Variants in ZNF385D observed in about 807,000 individuals in gnomAD.
ZNF385D encodes zinc finger protein 385D.
A neutral mutation model predicts 35.8 loss-of-function variants in ZNF385D; 15 were observed. The ratio of observed to expected loss-of-function variants is 0.42; its 90% confidence interval spans 0.28 to 0.64. The LOEUF is 0.64. ZNF385D is among the 30% of genes least tolerant of loss of function. The pLI is 0.23. For synonymous variants in ZNF385D, 212 were observed against 186.8 expected (o/e 1.13, Z -1.10); for missense variants, 474 against 494.6 (o/e 0.96, Z 0.39).
intron 4 of ZNF385D, among the ~76,000 whole-genome samples, chr3:21,467,060 G>GA (rs1465336778): frequency 3.9e-5 from 6 of 152,148 alleles, no homozygotes; most frequent in African/African-American, 1.4e-4. Flanking sequence ...TTCTTGTGCT[G>GA]AATACTGATG....
At chr3:21,749,275 C>T (rs2069937735) in intron 1 of ZNF385D, among the ~76,000 whole-genome samples, 1 of 152,156 alleles carries the variant, frequency 6.6e-6, no homozygotes, top group Admixed American at 6.5e-5. Flanking sequence ...CAAGCTAGCC[C>T]ACTGAACATT....
At chr3:21,700,905 T>C (rs1001184793) in intron 1 of ZNF385D, among the ~76,000 whole-genome samples, 7 of 152,178 alleles carry the variant, frequency 4.6e-5, no homozygotes, top group African/African-American at 1.4e-4. Flanking sequence ...ATAAAAAATA[T>C]ATCTTAAATA....
intron 4 of ZNF385D, among the ~76,000 whole-genome samples, chr3:21,463,175 C>G (rs1231919713): frequency 1.3e-5 from 2 of 149,042 alleles, no homozygotes; most frequent in African/African-American, 5.0e-5. Flanking sequence ...TGTAAACATA[C>G]AAAATTCCCA....
At chr3:22,000,550 T>C (rs1182903232) in intron 3 of ZNF385D, among the ~76,000 whole-genome samples, 1 of 152,164 alleles carries the variant, frequency 6.6e-6, no homozygotes, top group African/African-American at 2.4e-5. Context: ...TTGCTCTGTC[T>C]ATGGAATACC....
chr3:21,507,327 C>T (rs937498278), intron 4 of ZNF385D, among the ~76,000 whole-genome samples: 1 of 151,920 alleles, frequency 6.6e-6, no homozygotes, highest in African/African-American at 2.4e-5. Context: ...TAACATTTTT[C>T]AAAGGAATTA....
At chr3:21,623,686 A>G (rs2065064779) in intron 2 of ZNF385D, among the ~76,000 whole-genome samples, 1 of 152,048 alleles carries the variant, frequency 6.6e-6, no homozygotes, top group Admixed American at 6.6e-5. Flanking sequence ...AAAACAAAAA[A>G]CCACAATGTC....
At chr3:22,313,466 T>C (rs1182623985) in intron 2 of ZNF385D, among the ~76,000 whole-genome samples, 1 of 152,042 alleles carries the variant, frequency 6.6e-6, no homozygotes, top group Non-Finnish European at 1.5e-5. Flanking sequence ...TGTAGAAAAA[T>C]TAAATTATGA....
chr3:21,944,521 G>A (rs1483335790), intron 3 of ZNF385D, among the ~76,000 whole-genome samples: 1 of 152,190 alleles, frequency 6.6e-6, no homozygotes, highest in Non-Finnish European at 1.5e-5. Context: ...GGTTCGCAAG[G>A]AAAGGCTTGT....
intron 1 of ZNF385D, among the ~76,000 whole-genome samples, chr3:21,700,671 T>C (rs2067649244): frequency 6.6e-6 from 1 of 152,148 alleles, no homozygotes; most frequent in Non-Finnish European, 1.5e-5. Context: ...GAAAGATAAA[T>C]AAGAATACCT....
chr3:22,098,362 T>C (rs1360004681), intron 3 of ZNF385D, among the ~76,000 whole-genome samples: 5 of 152,098 alleles, frequency 3.3e-5, no homozygotes, highest in Admixed American at 3.3e-4. Context: ...AGTCATCATT[T>C]AATGAACACA....
At chr3:21,822,647 G>A (rs927488180) in intron 3 of ZNF385D, among the ~76,000 whole-genome samples, 11 of 152,070 alleles carry the variant, frequency 7.2e-5, no homozygotes, top group Non-Finnish European at 1.6e-4. Flanking sequence ...GTTGATACTG[G>A]CATTATTAAA....
intron 2 of ZNF385D, among the ~76,000 whole-genome samples, chr3:22,287,525 C>G (rs1240233830): frequency 6.6e-6 from 1 of 151,904 alleles, no homozygotes; most frequent in Admixed American, 6.6e-5. Context: ...TGTGTACCTA[C>G]TATGGGTTTT....
intron 2 of ZNF385D, among the ~76,000 whole-genome samples, chr3:21,640,693 C>T (rs1370662000): frequency 1.3e-5 from 2 of 152,092 alleles, no homozygotes; most frequent in African/African-American, 4.8e-5. Flanking sequence ...GCCTCCAGAA[C>T]TGTGATAAAT....
At chr3:21,839,530 T>G (rs1382896113) in intron 3 of ZNF385D, among the ~76,000 whole-genome samples, 1 of 152,086 alleles carries the variant, frequency 6.6e-6, no homozygotes, top group Non-Finnish European at 1.5e-5. Flanking sequence ...AAAACTCAAA[T>G]AGCAGAAACT....
chr3:22,104,374 T>A (rs1265720698), intron 3 of ZNF385D, among the ~76,000 whole-genome samples: 3 of 152,172 alleles, frequency 2.0e-5, no homozygotes, highest in African/African-American at 4.8e-5. Context: ...ATCTACTTTG[T>A]TGATTCTTGT....
At chr3:21,486,197 T>C (rs1352426147) in intron 4 of ZNF385D, among the ~76,000 whole-genome samples, 9 of 139,410 alleles carry the variant, frequency 6.5e-5, no homozygotes, top group Non-Finnish European at 1.2e-4. Flanking sequence ...TGAGTGGAAG[T>C]GATGCTCAGT....
At chr3:22,136,692 C>T (rs1352706768) in intron 3 of ZNF385D, among the ~76,000 whole-genome samples, 1 of 152,020 alleles carries the variant, frequency 6.6e-6, no homozygotes, top group East Asian at 1.9e-4. Context: ...ACCATTATGT[C>T]CTTCAATAGG....
chr3:22,222,069 C>CAA (rs1698290155), intron 2 of ZNF385D, among the ~76,000 whole-genome samples: 1 of 151,938 alleles, frequency 6.6e-6, no homozygotes, highest in South Asian at 2.1e-4. Flanking sequence ...CTCCACCTCC[C>CAA]AAGTTCAAGC....
At chr3:22,034,085 T>C (rs1698172250) in intron 3 of ZNF385D, among the ~76,000 whole-genome samples, 2 of 152,190 alleles carry the variant, frequency 1.3e-5, no homozygotes, top group Admixed American at 1.3e-4. Context: ...TAGTACATTA[T>C]ATTAACACCC....
Sources: allele counts gnomAD v4.1 joint callset (sites outside exome capture counted in the v4.1 genomes callset), GRCh38; gene constraint gnomAD v4.1.1; transcripts MANE v1.5; gene names NCBI Gene and HGNC (gene_info 2026-07-23, HGNC 2026-07-21).